Variants in ATP13A4 observed in about 807,000 individuals in gnomAD.
ATP13A4 encodes the protein probable cation-transporting ATPase 13A4.
ATP13A4 carries 114 observed loss-of-function variants against 142.5 expected under a neutral mutation model. The observed-to-expected ratio is 0.80, with a 90% CI of 0.69 to 0.93. ATP13A4 has a LOEUF of 0.93. Among genes scored for constraint, ATP13A4 ranks in the 40% least tolerant of loss-of-function variants. The pLI is 0.00. For synonymous variants in ATP13A4, 488 were observed against 514.8 expected (o/e 0.95, Z 0.70); for missense variants, 1,392 against 1,454.0 (o/e 0.96, Z 0.69).
intron 3 of ATP13A4, among the ~76,000 whole-genome samples, chr3:193,498,341 A>C (rs1720358728): frequency 8.1e-6 from 1 of 123,814 alleles, no homozygotes. Context: ...AGGTTATTAC[A>C]AAAAAAAAAG....
intron 18 of ATP13A4, among the ~76,000 whole-genome samples, chr3:193,444,736 G>A (rs1716841922): frequency 6.6e-6 from 1 of 152,186 alleles, no homozygotes; most frequent in East Asian, 1.9e-4. Context: ...GATGCCTAGA[G>A]CAACCATTAA....
intron 18 of ATP13A4, among the ~76,000 whole-genome samples, chr3:193,443,979 G>C (rs1389620319): frequency 6.6e-6 from 1 of 151,966 alleles, no homozygotes; most frequent in Non-Finnish European, 1.5e-5. Flanking sequence ...TGTCATTAGA[G>C]TCCAAGGAGA....
chr3:193,549,209 C>G (rs188411471), intron 1 of ATP13A4, among the ~76,000 whole-genome samples: 2 of 152,106 alleles, frequency 1.3e-5, no homozygotes, highest in Admixed American at 1.3e-4. Context: ...ATGCATGTCC[C>G]CTTTGAGGCA....
intron 2 of ATP13A4, among the ~76,000 whole-genome samples, chr3:193,572,317 G>C (rs1393775026): frequency 2.6e-5 from 4 of 152,136 alleles, no homozygotes; most frequent in Non-Finnish European, 5.9e-5. Context: ...TAATTTTTCT[G>C]TAACTCTAAA....
At chr3:193,427,765 C>T (rs1326619285) in intron 25 of ATP13A4, among the ~76,000 whole-genome samples, 1 of 152,096 alleles carries the variant, frequency 6.6e-6, no homozygotes, top group Non-Finnish European at 1.5e-5. Flanking sequence ...GGATCCCTTC[C>T]TTACACCTTA....
At chr3:193,558,825 T>G (rs967248558), upstream of ATP13A4, among the ~76,000 whole-genome samples, 1 of 152,236 alleles carries the variant, frequency 6.6e-6, no homozygotes, top group Non-Finnish European at 1.5e-5. Context: ...GTTCATTCTC[T>G]GATTCTCTCC....
At chr3:193,489,339 C>A (rs1352960442) in intron 7 of ATP13A4, among the ~76,000 whole-genome samples, 24 of 152,024 alleles carry the variant, frequency 1.6e-4, no homozygotes, top group Non-Finnish European at 2.9e-5. Flanking sequence ...CAAATGAGTA[C>A]CAGCCAAACA....
chr3:193,443,727 T>C (rs1716788126), intron 18 of ATP13A4, among the ~76,000 whole-genome samples: 1 of 152,186 alleles, frequency 6.6e-6, no homozygotes, highest in Non-Finnish European at 1.5e-5. Context: ...CCCCTTCATG[T>C]GGTAACTGTT....
chr3:193,517,550 G>T (rs1721481065), intron 1 of ATP13A4, among the ~76,000 whole-genome samples: 1 of 152,242 alleles, frequency 6.6e-6, no homozygotes, highest in South Asian at 2.1e-4. Flanking sequence ...GCGCGATCTC[G>T]GCTCACTGCA....
chr3:193,585,227 G>A (rs1463990934), intron 1 of ATP13A4, among the ~76,000 whole-genome samples: 2 of 151,776 alleles, frequency 1.3e-5, no homozygotes, highest in Non-Finnish European at 2.9e-5. Flanking sequence ...AGACCAGACT[G>A]ACCAACATGG....
At chr3:193,499,868 G>A (rs1720443423) in intron 3 of ATP13A4, among the ~76,000 whole-genome samples, 1 of 152,112 alleles carries the variant, frequency 6.6e-6, no homozygotes, top group African/African-American at 2.4e-5. Flanking sequence ...GTAGATGAAC[G>A]CAGCAATAAT....
intron 8 of ATP13A4, among the ~76,000 whole-genome samples, chr3:193,475,192 A>G (rs1415240727): frequency 6.6e-6 from 1 of 152,102 alleles, no homozygotes; most frequent in Non-Finnish European, 1.5e-5. Context: ...GAAAAGACAT[A>G]TGTACAAAGC....
At chr3:193,425,754 T>G (rs953655007) in intron 25 of ATP13A4, among the ~76,000 whole-genome samples, 1 of 151,912 alleles carries the variant, frequency 6.6e-6, no homozygotes, top group South Asian at 2.1e-4. Context: ...GTTGTCAGTA[T>G]GTACAAAGTT....
chr3:193,569,146 T>A (rs549301243), intron 2 of ATP13A4, among the ~76,000 whole-genome samples: 1 of 152,344 alleles, frequency 6.6e-6, no homozygotes, highest in East Asian at 1.9e-4. Context: ...TGGCAAGTCA[T>A]GCTGAGAGTG....
intron 25 of ATP13A4, among the ~76,000 whole-genome samples, chr3:193,429,317 A>G (rs1406696363): frequency 6.6e-6 from 1 of 152,098 alleles, no homozygotes; most frequent in African/African-American, 2.4e-5. Context: ...AAAGAGTTGA[A>G]AACAGGGACT....
chr3:193,517,216 C>G (rs1721464613), intron 1 of ATP13A4, among the ~76,000 whole-genome samples: 1 of 152,120 alleles, frequency 6.6e-6, no homozygotes, highest in Non-Finnish European at 1.5e-5. Flanking sequence ...ACATGTCCAC[C>G]AAATGGCAGG....
At chr3:193,520,869 G>C (rs1247050438) in intron 1 of ATP13A4, among the ~76,000 whole-genome samples, 3 of 152,154 alleles carry the variant, frequency 2.0e-5, no homozygotes, top group Non-Finnish European at 4.4e-5. Context: ...TAGTTGGGAT[G>C]ATAATCAAAT....
chr3:193,448,318 T>G lies in ATP13A4; in HGVS notation c.2040A>C (p.Glu680Asp), dbSNP rs772681166. ...HATTLTRETVESDLIFLGLLI... is the reference protein window; with the variant it reads ...HATTLTRETVDSDLIFLGLLI... ...GCAGCCCCAGAAATATCAGGTCTGA[T>G]TCTACCGTCTCCCTGAAAATACATA... The change falls in exon 18 of 30, where the codon GAA becomes GAC. Residue 680 changes from glutamate (E) to aspartate (D), a missense_variant. Physicochemically the swap from Glu to Asp is conservative, Grantham distance 45. Coordinates refer to ENST00000342695, the MANE Select transcript of ATP13A4 (RefSeq NM_032279.4). The G allele has an allele frequency of 5.6e-6, 9 of 1,613,952 alleles. No individual in the cohort carries two copies. In the East Asian group the frequency reaches 2.0e-4, roughly 36 times the overall value.
chr3:193,486,102 T>C (rs1042528023), intron 7 of ATP13A4, among the ~76,000 whole-genome samples: 11 of 150,556 alleles, frequency 7.3e-5, no homozygotes, highest in South Asian at 2.1e-4. Context: ...TTAATAAATA[T>C]TTTATGATTC....
Sources: gnomAD v4.1 joint callset for allele counts (sites outside exome capture counted in the v4.1 genomes callset) on GRCh38, gnomAD v4.1.1 for gene constraint, MANE v1.5 for transcripts, NCBI Gene and HGNC (gene_info 2026-07-23, HGNC 2026-07-21) for gene names.